The following SPG11 variants were observed in gnomAD, a reference collection of about 807,000 sequenced individuals.
The protein encoded by SPG11 is SPG11 vesicle trafficking associated, spatacsin, also known as spatacsin.
In SPG11, 222 loss-of-function variants were observed where a neutral mutation model predicts 274.0. The ratio of observed to expected loss-of-function variants is 0.81; its 90% CI spans 0.73 to 0.91. SPG11 has a LOEUF of 0.91. Among genes scored for constraint, SPG11 ranks in the 40% least tolerant of loss-of-function variants. The pLI is 0.00. For missense variants in SPG11, 3,114 were observed against 2,872.7 expected, an observed-to-expected ratio of 1.08 and a Z score of -1.92; for synonymous variants, 1,144 against 1,039.7, an observed-to-expected ratio of 1.10 and a Z score of -1.93.
intron 15 of SPG11, among the ~76,000 whole-genome samples, chr15:44,619,859 A>G (rs1303942297): frequency 6.6e-6 from 1 of 151,048 alleles, no homozygotes; most frequent in Non-Finnish European, 1.5e-5. Flanking sequence ...AGTAGTTGGG[A>G]GTACCCGGCA....
chr15:44,596,374 G>A lies in SPG11; in HGVS notation c.4162-19C>T. 1 of 1,613,686 alleles carries A rather than the reference G, an allele frequency of 6.2e-7. No individual in the cohort carries two copies. The highest frequency in any genetic ancestry group is 8.5e-7 in the Non-Finnish European group (1 of 1,179,918). ...ATTTCACCTAGAAGGCATATCAGAT[G>A]ATTAAACAGAAACCCAACTTTCAGT... On this transcript the variant is annotated intron_variant, in intron 24 of 39. Coordinates refer to ENST00000261866, the MANE Select transcript of SPG11 (RefSeq NM_025137.4).
Position 44,657,094 on chromosome 15 carries a change from C to T in SPG11, c.869+1G>A, listed in dbSNP as rs312262721. On this transcript the variant is annotated splice_donor_variant, in intron 4 of 39. Transcript: ENST00000261866. LOFTEE classifies it high-confidence loss of function. ...ATTAGAAACTGCAGTCATCTACATACCTGAAATACAAATTTAAGTTAAGAG... is the reference window on the plus strand; with the variant it reads ...ATTAGAAACTGCAGTCATCTACATATCTGAAATACAAATTTAAGTTAAGAG... 5 of 1,613,436 alleles carry T rather than the reference C, an allele frequency of 3.1e-6. No individual in the cohort carries two copies. The highest frequency in any genetic ancestry group is 3.3e-5 in the Admixed American group (2 of 59,980).
intron 33 of SPG11, among the ~76,000 whole-genome samples, chr15:44,571,744 G>A (rs1254434287): frequency 2.0e-5 from 3 of 151,858 alleles, no homozygotes; most frequent in Non-Finnish European, 2.9e-5. Context: ...TGATCCACCC[G>A]CCTCGGCCTC....
At chr15:44,634,329 C>T (rs2084173121) in intron 7 of SPG11, among the ~76,000 whole-genome samples, 1 of 152,124 alleles carries the variant, frequency 6.6e-6, no homozygotes, top group Admixed American at 6.6e-5. Context: ...GGCTGAGGTA[C>T]AGTGGCATGA....
chr15:44,640,889 C>T (rs1342732575), intron 7 of SPG11, among the ~76,000 whole-genome samples: 2 of 152,094 alleles, frequency 1.3e-5, no homozygotes, highest in Admixed American at 6.5e-5. Context: ...CACCACCATG[C>T]CCAGCAATTT....
At position 44,642,664 on chromosome 15, in the gene SPG11, T is replaced by A. The variant is rs566065899; in HGVS notation, c.1602+6202A>T. Among the ~76,000 whole-genome samples, 20 of 146,984 alleles carry A rather than the reference T, an allele frequency of 1.4e-4. No individual in the cohort carries two copies. In the East Asian group the frequency reaches 2.4e-3, roughly 18 times the overall value. On this transcript the variant is annotated intron_variant, in intron 7 of 39. Coordinates refer to ENST00000261866, the MANE Select transcript of SPG11 (RefSeq NM_025137.4). Reference sequence around the variant, plus strand: ...TTGTTTGAGGCCAAGAATTCGACACTCACCTGGGAAACAAAGCAAGATTCC... The same window carrying A: ...TTGTTTGAGGCCAAGAATTCGACACACACCTGGGAAACAAAGCAAGATTCC...
intron 12 of SPG11, 21 bp downstream of exon 12, chr15:44,622,707 T>TGTA: frequency 1.3e-6 from 2 of 1,572,088 alleles, no homozygotes; most frequent in South Asian, 2.2e-5. Context: ...ATGTATACTA[T>TGTA]GTAGTCTCAC....
At chr15:44,616,807 T>C (rs2083602486) in intron 15 of SPG11, among the ~76,000 whole-genome samples, 1 of 152,250 alleles carries the variant, frequency 6.6e-6, no homozygotes, top group Non-Finnish European at 1.5e-5. Context: ...CCCTTAACTT[T>C]ACAAGGGGTA....
intron 15 of SPG11, among the ~76,000 whole-genome samples, chr15:44,618,379 G>A (rs1481413523): frequency 4.6e-5 from 7 of 151,170 alleles, no homozygotes; most frequent in Non-Finnish European, 8.8e-5. Context: ...TTAGCCAGGC[G>A]TGGTGGCGGG....
intron 1 of SPG11, 73 bp downstream of exon 1, chr15:44,663,318 A>T: frequency 6.4e-7 from 1 of 1,553,048 alleles, no homozygotes; most frequent in Non-Finnish European, 8.7e-7. Context: ...CCTCGGCGTG[A>T]GCCCTTGGGG....
At chr15:44,617,696 G>T (rs1390687507) in intron 15 of SPG11, among the ~76,000 whole-genome samples, 1 of 151,866 alleles carries the variant, frequency 6.6e-6, no homozygotes, top group Non-Finnish European at 1.5e-5. Context: ...TTTTTTTTGA[G>T]ATGGATTCTC....
chr15:44,564,574 GACTTTAATA>G lies in SPG11; in HGVS notation c.7115_7123del (p.Leu2372_Lys2374del), dbSNP rs2082271397. ...TTTGGAAATCTCTTCAAATATACTG[GACTTTAATA>G]ACCTTTGCTGCTTAAATTCTTCCAA... On this transcript the variant is annotated inframe_deletion, in exon 39 of 40. Coordinates refer to ENST00000261866, the MANE Select transcript of SPG11 (RefSeq NM_025137.4). The G allele has an allele frequency of 6.2e-7, 1 of 1,613,718 alleles. No homozygotes were observed. The highest frequency in any genetic ancestry group is 8.5e-7 in the Non-Finnish European group (1 of 1,179,880).
At chr15:44,579,526 C>CAAAA (rs954664107) in intron 30 of SPG11, among the ~76,000 whole-genome samples, 11 of 51,810 alleles carry the variant, frequency 2.1e-4, no homozygotes, top group South Asian at 8.0e-4. Context: ...GACTCCGTCT[C>CAAAA]AAAAAAAAAA....
At chr15:44,592,798 C>T (rs763124250) in intron 26 of SPG11, among the ~76,000 whole-genome samples, 1 of 151,836 alleles carries the variant, frequency 6.6e-6, no homozygotes, top group African/African-American at 2.4e-5. Context: ...CCATCCTGGG[C>T]GACAGAGTGA....
Position 44,613,452 on chromosome 15 carries a change from T to C in SPG11, c.3123A>G (p.Arg1041=). 6.2e-7 allele frequency: 1 copy of C among 1,613,804 alleles called. No homozygotes were observed. Among genetic ancestry groups the C allele is most frequent in the Non-Finnish European group, 8.5e-7 (1 of 1,179,748 alleles). ...HPWFEFLVQC[R]QVASNLTDPK... is the part of the protein sequence containing the mutation. The stretch of plus-strand genomic sequence containing the variant: ...TACCTGTTAAGTTACTGGCAACTTG[T>C]CGACACTGAACTAAAAATTCAAACC... Residue 1041 remains arginine (R), a synonymous_variant, in exon 17 of 40, where the codon CGA becomes CGG. Transcript: ENST00000261866.
At chr15:44,603,979 AGT>A (rs1353481023) in intron 20 of SPG11, 1 of 166,462 alleles carries the variant, frequency 6.0e-6, no homozygotes, top group Non-Finnish European at 1.3e-5. Flanking sequence ...GGCTGACTCC[AGT>A]TAGAAAGAAA....
chr15:44,595,986 C>T (rs1274178805), intron 25 of SPG11, 97 bp downstream of exon 25: 12 of 1,506,700 alleles, frequency 8.0e-6, no homozygotes, highest in Non-Finnish European at 1.0e-5. Flanking sequence ...ACCTCACTGT[C>T]ATCATCACCC....
At chr15:44,588,927 GTA>G (rs2082834901) in intron 28 of SPG11, among the ~76,000 whole-genome samples, 1 of 152,214 alleles carries the variant, frequency 6.6e-6, no homozygotes, top group Non-Finnish European at 1.5e-5. Context: ...CTCTGTCAGT[GTA>G]TGTCTTGATC....
At chr15:44,567,838 C>T (rs1221339877) in intron 35 of SPG11, among the ~76,000 whole-genome samples, 1 of 152,196 alleles carries the variant, frequency 6.6e-6, no homozygotes. Flanking sequence ...CCCGCATAAG[C>T]TGATCTAACA....
Sources: allele counts gnomAD v4.1 joint callset (sites outside exome capture counted in the v4.1 genomes callset), GRCh38; gene constraint gnomAD v4.1.1; transcripts MANE v1.5; gene names NCBI Gene and HGNC (gene_info 2026-07-23, HGNC 2026-07-21).